The following SYNE2 variants were observed in gnomAD, a reference collection of about 807,000 sequenced individuals.
SYNE2 encodes the protein nesprin-2.
SYNE2 carries 431 observed loss-of-function variants against 856.3 expected under a neutral mutation model. That is an observed-to-expected ratio of 0.50 (90% confidence interval 0.47 to 0.55). The LOEUF is 0.55. Ranked by LOEUF, SYNE2 falls within the 20% of genes least tolerant of loss-of-function variation. SYNE2 has a pLI of 0.00. For missense variants in SYNE2, 8,129 were observed against 8,023.2 expected (o/e 1.01, Z -0.50); for synonymous variants, 2,923 against 2,872.3 (o/e 1.02, Z -0.56).
At position 64,159,436 on chromosome 14, in the gene SYNE2, A is replaced by G. The variant is rs150677837; in HGVS notation, c.16088A>G (p.His5363Arg). 1.2e-4 allele frequency: 197 copies of G among 1,613,698 alleles called. 1 individual carries two copies. The African/African-American group carries it at 2.3e-3, about 19-fold the overall frequency. The change falls in exon 87 of 116, where the codon CAT becomes CGT. Residue 5363 changes from histidine to arginine, a missense_variant. His to Arg is a conservative substitution (Grantham distance 29). This residue lies in a region of SYNE2 where 5,410 missense variants were observed against 5,284.8 expected (regional missense o/e 1.02). Coordinates refer to ENST00000555002, the MANE Select transcript of SYNE2 (RefSeq NM_182914.3). ...ATCGAAGAGAAATGCCAAAATACTC[A>G]TAAAAGGTATGCTTTCAGATATAAT... ...EIIEEKCQNT[H>R]KRWTQVNQAI...
chr14:63,945,924 T>C (rs1346489660), intron 6 of SYNE2, among the ~76,000 whole-genome samples: 1 of 152,186 alleles, frequency 6.6e-6, no homozygotes, highest in Non-Finnish European at 1.5e-5. Context: ...CTGATTTCCA[T>C]CCTGCATGTA....
intron 2 of SYNE2, among the ~76,000 whole-genome samples, chr14:63,915,153 TA>T (rs1273747218): frequency 6.6e-6 from 1 of 152,212 alleles, no homozygotes; most frequent in Non-Finnish European, 1.5e-5. Flanking sequence ...TCAATGTGCT[TA>T]AAATAAATTT....
intron 32 of SYNE2, among the ~76,000 whole-genome samples, chr14:64,014,590 C>G (rs936505550): frequency 6.6e-6 from 1 of 152,050 alleles, no homozygotes; most frequent in East Asian, 1.9e-4. Flanking sequence ...CTACACCCAA[C>G]TAATTTGTTT....
At position 63,909,237 on chromosome 14, in the gene SYNE2, A is replaced by G. The variant is rs2095443447; in HGVS notation, c.79+10A>G. ...CATATTTCATTGCAAGGTAATTAAGATTGGGTGGGGGTAACACCCACAGAA... is the reference window on the plus strand; with the variant it reads ...CATATTTCATTGCAAGGTAATTAAGGTTGGGTGGGGGTAACACCCACAGAA... On this transcript the variant is annotated intron_variant, in intron 2 of 115. Coordinates refer to ENST00000555002, the MANE Select transcript of SYNE2 (RefSeq NM_182914.3). 1 of 1,602,212 alleles carries G rather than the reference A, an allele frequency of 6.2e-7. No homozygotes were observed. Among genetic ancestry groups the G allele is most frequent in the Non-Finnish European group, 8.5e-7 (1 of 1,170,172 alleles).
intron 7 of SYNE2, among the ~76,000 whole-genome samples, chr14:63,953,576 A>C (rs2096199636): frequency 6.6e-6 from 1 of 150,906 alleles, no homozygotes; most frequent in South Asian, 2.1e-4. Flanking sequence ...ATAGATGTAG[A>C]TATTATTGTG....
rs1285766818 is a variant in SYNE2 at position 64,031,163 on chromosome 14, G to A, written c.7027G>A (p.Glu2343Lys). The A allele has an allele frequency of 1.2e-6, 2 of 1,614,044 alleles. No individual in the cohort carries two copies. Among genetic ancestry groups the A allele is most frequent in the African/African-American group, 2.7e-5 (2 of 74,930 alleles). Residue 2343 changes from glutamate (E) to lysine (K), a missense_variant, in exon 45 of 116, where the codon GAA becomes AAA. Physicochemically the swap from Glu to Lys is moderately conservative, Grantham distance 56. Coordinates refer to ENST00000555002, the MANE Select transcript of SYNE2 (RefSeq NM_182914.3). ...ACTTCAGTGTAAACAAAAAGATTTG[G>A]AAAACAGGCTTGCATCTGCTAAGCA... ...KSLQCKQKDLENRLASAKQEM... is the reference protein window; with the variant it reads ...KSLQCKQKDLKNRLASAKQEM...
chr14:64,155,575 TA>T (rs562563652), intron 85 of SYNE2, among the ~76,000 whole-genome samples: 2,148 of 131,486 alleles, frequency 0.016, 29 homozygotes, highest in Non-Finnish European at 0.022. Flanking sequence ...TTCAATAAAG[TA>T]AAAAAAAAAA....
chr14:63,814,530 C>CAT (rs1304251996), intron 1 of SYNE2, among the ~76,000 whole-genome samples: 4 of 134,220 alleles, frequency 3.0e-5, no homozygotes, highest in Non-Finnish European at 1.6e-5. Flanking sequence ...TATATATATC[C>CAT]ATATATAATA....
intron 96 of SYNE2, among the ~76,000 whole-genome samples, chr14:64,180,673 T>A (rs1424598971): frequency 6.6e-6 from 1 of 152,026 alleles, no homozygotes; most frequent in Non-Finnish European, 1.5e-5. Flanking sequence ...CCAGCTAATT[T>A]TTGTATTTTT....
At chr14:63,795,100 G>C (rs1415635667) in intron 1 of SYNE2, among the ~76,000 whole-genome samples, 1 of 152,078 alleles carries the variant, frequency 6.6e-6, no homozygotes, top group Non-Finnish European at 1.5e-5. Context: ...TTTTGGCAAA[G>C]ATGGTGTGAT....
intron 1 of SYNE2, among the ~76,000 whole-genome samples, chr14:63,857,314 C>A (rs1892070446): frequency 6.6e-6 from 1 of 152,214 alleles, no homozygotes; most frequent in East Asian, 1.9e-4. Context: ...TAGCTGATTT[C>A]TTTTTATTGT....
At chr14:64,083,107 G>A (rs2097536271) in intron 57 of SYNE2, among the ~76,000 whole-genome samples, 1 of 152,128 alleles carries the variant, frequency 6.6e-6, no homozygotes, top group Non-Finnish European at 1.5e-5. Flanking sequence ...ATGGCACAGT[G>A]TGTTCCTAAG....
intron 9 of SYNE2, among the ~76,000 whole-genome samples, chr14:63,962,069 A>ATTTTTTTTTTTTTTTTTTTTTTTTTT (rs1257375449): frequency 6.6e-6 from 1 of 150,984 alleles, no homozygotes; most frequent in Non-Finnish European, 1.5e-5. Context: ...TTATTTATTT[A>ATTTTTTTTTTTTTTTTTTTTTTTTTT]TTTTTGAGAT....
intron 53 of SYNE2, among the ~76,000 whole-genome samples, chr14:64,074,382 T>C (rs1295093234): frequency 6.6e-6 from 1 of 152,226 alleles, no homozygotes; most frequent in South Asian, 2.1e-4. Flanking sequence ...CCAAGCAGCC[T>C]TCTTTCAACT....
chr14:63,937,367 A>C (rs2095846657), intron 2 of SYNE2, among the ~76,000 whole-genome samples: 1 of 152,208 alleles, frequency 6.6e-6, no homozygotes, highest in Non-Finnish European at 1.5e-5. Flanking sequence ...ATTGTTTAAG[A>C]GAGTGGGGGA....
chr14:64,008,393 T>C (rs2096816507), intron 31 of SYNE2, among the ~76,000 whole-genome samples: 1 of 152,182 alleles, frequency 6.6e-6, no homozygotes, highest in Non-Finnish European at 1.5e-5. Flanking sequence ...AGCATTACTT[T>C]ACCACACGCC....
At chr14:64,174,915 A>G (rs781384604) in intron 94 of SYNE2, 29 bp from the exon 95 acceptor site, 1 of 1,605,316 alleles carries the variant, frequency 6.2e-7, no homozygotes, top group South Asian at 1.1e-5. Flanking sequence ...TCAGAAACCT[A>G]AGCAAATTAC....
At chr14:63,847,162 G>A (rs146457554) in intron 1 of SYNE2, among the ~76,000 whole-genome samples, 2 of 150,448 alleles carry the variant, frequency 1.3e-5, no homozygotes, top group Admixed American at 6.6e-5. Context: ...TAACTAAAAT[G>A]AGCCTGATGA....
intron 63 of SYNE2, chr14:64,099,164 G>T: frequency 3.2e-6 from 1 of 309,822 alleles, no homozygotes; most frequent in Non-Finnish European, 6.2e-6. Context: ...GTATTTTTCC[G>T]CATTTCAATT....
Sources: gnomAD v4.1 joint callset for allele counts (sites outside exome capture counted in the v4.1 genomes callset) on GRCh38, gnomAD v4.1.1 for gene constraint, gnomAD v4.1.1 regional missense constraint, MANE v1.5 for transcripts, NCBI Gene and HGNC (gene_info 2026-07-23, HGNC 2026-07-21) for gene names.